SUSD3: variants seen among roughly 807,000 people sequenced by gnomAD.
The protein encoded by SUSD3 is sushi domain containing 3.
Under a neutral mutation model 20.6 loss-of-function variants are expected in SUSD3, and 18 were observed. The ratio of observed to expected loss-of-function variants is 0.87; its 90% confidence interval spans 0.60 to 1.30. The LOEUF (loss-of-function observed/expected upper bound fraction) is 1.30, where lower values mean the gene tolerates loss of function less well. SUSD3 is among the 50% of genes most tolerant of loss of function. The pLI is 0.00. For synonymous variants in SUSD3, 137 were observed against 141.5 expected (o/e 0.97, Z 0.23); for missense variants, 306 against 346.9 (o/e 0.88, Z 0.94).
chr9:93,058,846 G>A lies in SUSD3; in HGVS notation c.88+16G>A. On this transcript the variant is annotated intron_variant, in intron 1 of 4. Transcript: ENST00000375472. ...AACCGCACAGGTGAGGGCTGGGGCC[G>A]AGTGGCCGCGTGCGGGGCTCTGCGC... is the stretch of plus-strand genomic sequence containing the variant. The A allele has an allele frequency of 8.0e-7, 1 of 1,255,818 alleles. No homozygotes were observed. The highest frequency in any genetic ancestry group is 1.6e-5 in the African/African-American group (1 of 64,438). The allele number at this position is 1,255,818 out of a possible 1,614,324, so 77.8% of individuals were successfully genotyped here.
intron 1 of SUSD3, among the ~76,000 whole-genome samples, chr9:93,066,632 T>C (rs979573490): frequency 1.3e-5 from 2 of 152,222 alleles, no homozygotes; most frequent in Non-Finnish European, 2.9e-5. Context: ...CCATACAATT[T>C]ACCTTTTTAA....
chr9:93,075,882 T>G lies in SUSD3; in HGVS notation c.187T>G (p.Ser63Ala). Residue 63 changes from serine to alanine, a missense_variant, in exon 2 of 5, where the codon TCC (serine) becomes GCC (alanine). Physicochemically the swap from Ser to Ala is moderately conservative, Grantham distance 99 (BLOSUM62 1). Coordinates refer to ENST00000375472, the MANE Select transcript of SUSD3 (RefSeq NM_145006.4). Reference sequence around the variant, plus strand: ...GACCGTGCTCATGTTCCGCTGCCCCTCCAACCACCAGATGGTGGGGTCTGG... The same window carrying G: ...GACCGTGCTCATGTTCCGCTGCCCCGCCAACCACCAGATGGTGGGGTCTGG... ...VGTVLMFRCP[S>A]NHQMVGSGLL... is the part of the protein sequence containing the mutation. The G allele has an allele frequency of 6.2e-7, 1 of 1,613,700 alleles. No individual in the cohort carries two copies. Among genetic ancestry groups the G allele is most frequent in the Non-Finnish European group, 8.5e-7 (1 of 1,179,860 alleles).
chr9:93,070,199 A>G (rs561079919), intron 1 of SUSD3, among the ~76,000 whole-genome samples: 1 of 152,342 alleles, frequency 6.6e-6, no homozygotes, highest in African/African-American at 2.4e-5. Context: ...TATATGTTAC[A>G]AATATAAGAA....
At position 93,063,988 on chromosome 9, in the gene SUSD3, G is replaced by A. The variant is rs142148712; in HGVS notation, c.88+5158G>A. ...AGTTTTTAATTTGACGGCGCATCCCGGACTTCTTGTAGGTCAGTGTTACCT... is the reference window on the plus strand; with the variant it reads ...AGTTTTTAATTTGACGGCGCATCCCAGACTTCTTGTAGGTCAGTGTTACCT... On this transcript the variant is annotated intron_variant, in intron 1 of 4. Transcript: ENST00000375472. Among the ~76,000 whole-genome samples, 364 of 152,226 alleles carry A rather than the reference G, an allele frequency of 2.4e-3. 3 individuals are homozygous for A. Among genetic ancestry groups the A allele is most frequent in the African/African-American group, 8.2e-3 (340 of 41,536 alleles).
At chr9:93,077,073 G>C (rs1336860665) in intron 2 of SUSD3, among the ~76,000 whole-genome samples, 1 of 152,238 alleles carries the variant, frequency 6.6e-6, no homozygotes, top group African/African-American at 2.4e-5. Flanking sequence ...AATGGGGCAG[G>C]GGACAGGGCC....
At chr9:93,078,651 G>A (rs2118991596) in intron 3 of SUSD3, among the ~76,000 whole-genome samples, 1 of 152,336 alleles carries the variant, frequency 6.6e-6, no homozygotes, top group Admixed American at 6.5e-5. Context: ...CCTAAACCTT[G>A]AGAGGGAGTC....
intron 3 of SUSD3, among the ~76,000 whole-genome samples, chr9:93,078,924 C>T (rs1375433957): frequency 2.6e-5 from 4 of 152,002 alleles, no homozygotes; most frequent in Admixed American, 6.6e-5. Context: ...CTCAGCCTCC[C>T]GAGTAGCTGG....
chr9:93,058,878 C>A (rs946875077), intron 1 of SUSD3, 48 bp downstream of exon 1: 4 of 1,156,756 alleles, frequency 3.5e-6, no homozygotes, highest in Non-Finnish European at 4.4e-6. Context: ...GCGCCCATTT[C>A]ACAGACGGGA....
chr9:93,064,884 C>T (rs1049458790), intron 1 of SUSD3, among the ~76,000 whole-genome samples: 1 of 152,226 alleles, frequency 6.6e-6, no homozygotes, highest in Non-Finnish European at 1.5e-5. Flanking sequence ...AACCCAGGTC[C>T]TCTGGCTCCA....
intron 3 of SUSD3, among the ~76,000 whole-genome samples, chr9:93,079,250 A>G (rs368312817): frequency 2.7e-4 from 41 of 152,334 alleles, no homozygotes; most frequent in African/African-American, 9.6e-4. Context: ...TTCATTGTCT[A>G]CTGGTGTGTG....
intron 4 of SUSD3, among the ~76,000 whole-genome samples, chr9:93,084,182 G>C (rs1826544421): frequency 6.6e-6 from 1 of 152,070 alleles, no homozygotes; most frequent in Admixed American, 6.5e-5. Context: ...TCTCTGCCTG[G>C]GACATCCCAG....
intron 1 of SUSD3, among the ~76,000 whole-genome samples, chr9:93,065,797 T>C (rs1449321256): frequency 2.6e-5 from 4 of 152,246 alleles, no homozygotes; most frequent in African/African-American, 9.6e-5. Context: ...TCCTTTGTTC[T>C]TGCATTCATT....
rs147895926 is a variant in SUSD3, at chr9:93,062,331, C to T, written c.88+3501C>T. ...TTTTGTATCTTGTTTGCATCAAATC[C>T]GTTTTCTGTTGTTTTTCCCTCTTCT... On this transcript the variant is annotated intron_variant, in intron 1 of 4. Transcript: ENST00000375472. Among the ~76,000 whole-genome samples, 633 of 152,326 alleles carry T rather than the reference C, an allele frequency of 4.2e-3. 4 individuals are homozygous for T. The highest frequency in any genetic ancestry group is 0.011 in the Admixed American group (174 of 15,298).
chr9:93,077,085 T>A (rs1242645763), intron 2 of SUSD3, among the ~76,000 whole-genome samples: 3 of 152,246 alleles, frequency 2.0e-5, no homozygotes, highest in Non-Finnish European at 4.4e-5. Context: ...GACAGGGCCA[T>A]GTTCTCTACG....
chr9:93,080,617 C>G (rs77264216), intron 4 of SUSD3, among the ~76,000 whole-genome samples: 2,403 of 152,344 alleles, frequency 0.016, 62 homozygotes, highest in African/African-American at 0.054. Context: ...AGGCTGCCCC[C>G]ACGGGCCACA....
chr9:93,076,058 C>G lies in SUSD3; in HGVS notation c.277+86C>G, dbSNP rs1447047159. The G allele has an allele frequency of 3.3e-6, 4 of 1,214,342 alleles. No individual in the cohort carries two copies. The Admixed American group carries it at 9.1e-5, about 28-fold the overall frequency. The allele number at this position is 1,214,342 out of a possible 1,614,324, so 75.2% of individuals were successfully genotyped here. A position where few individuals can be genotyped will look rare whatever the true frequency, so the allele number is the denominator to read the frequency against. ...ATGGGGATGGTGTGGGTGGGGATGG[C>G]GTGGGTGTCTACTCACAAGCAGCTA... On this transcript the variant is annotated intron_variant, in intron 2 of 4. Transcript: ENST00000375472.
chr9:93,063,411 G>A (rs1825582632), intron 1 of SUSD3, among the ~76,000 whole-genome samples: 1 of 152,220 alleles, frequency 6.6e-6, no homozygotes, highest in South Asian at 2.1e-4. Context: ...TTGAGGCTGA[G>A]CCAGGTGAGA....
chr9:93,062,049 G>A (rs980594198), intron 1 of SUSD3, among the ~76,000 whole-genome samples: 32 of 152,256 alleles, frequency 2.1e-4, no homozygotes, highest in African/African-American at 7.2e-4. Flanking sequence ...TAACAAGTAC[G>A]GATTGTTCTC....
intron 2 of SUSD3, among the ~76,000 whole-genome samples, chr9:93,076,244 G>A (rs1490369769): frequency 6.6e-6 from 1 of 152,184 alleles, no homozygotes; most frequent in African/African-American, 2.4e-5. Context: ...GCCCCTCACC[G>A]CCAAGAGGCT....
Sources: gnomAD v4.1 joint callset for allele counts (sites outside exome capture counted in the v4.1 genomes callset) on GRCh38, gnomAD v4.1.1 for gene constraint, MANE v1.5 for transcripts, NCBI Gene and HGNC (gene_info 2026-07-23, HGNC 2026-07-21) for gene names.